Variants in VWC2 observed in about 807,000 individuals in gnomAD.
VWC2 encodes the protein brorin.
VWC2 carries 14 observed loss-of-function variants against 29.8 expected under a neutral mutation model. That is an observed-to-expected ratio of 0.47 (90% CI 0.31 to 0.74). VWC2 has a LOEUF of 0.74. Among genes scored for constraint, VWC2 ranks in the 30% least tolerant of loss-of-function variants. The pLI is 0.05. For missense variants in VWC2, 457 were observed against 459.8 expected (o/e 0.99, Z 0.05); for synonymous variants, 213 against 199.0 (o/e 1.07, Z -0.59).
chr7:49,823,719 A>C (rs1789322845), intron 3 of VWC2, among the ~76,000 whole-genome samples: 1 of 152,210 alleles, frequency 6.6e-6, no homozygotes, highest in Non-Finnish European at 1.5e-5. Context: ...CATCAAATGT[A>C]GGTCAAAACA....
intron 2 of VWC2, among the ~76,000 whole-genome samples, chr7:49,776,745 ATC>A (rs1788062819): frequency 6.6e-6 from 1 of 152,206 alleles, no homozygotes; most frequent in Non-Finnish European, 1.5e-5. Context: ...AATACCGGCC[ATC>A]TCTCTAATGC....
At chr7:49,785,241 A>G (rs890630540) in intron 2 of VWC2, among the ~76,000 whole-genome samples, 1 of 152,350 alleles carries the variant, frequency 6.6e-6, no homozygotes, top group South Asian at 2.1e-4. Flanking sequence ...GAAGTTAACT[A>G]GTATGAAACA....
chr7:49,883,659 C>G (rs1317724952), intron 3 of VWC2, among the ~76,000 whole-genome samples: 1 of 152,088 alleles, frequency 6.6e-6, no homozygotes, highest in Non-Finnish European at 1.5e-5. Context: ...GAAAAATTGA[C>G]AGAAAAAGAG....
intron 3 of VWC2, among the ~76,000 whole-genome samples, chr7:49,901,619 A>G (rs999136339): frequency 6.6e-6 from 1 of 151,946 alleles, no homozygotes; most frequent in Non-Finnish European, 1.5e-5. Context: ...ATCAAGATCT[A>G]TTGTTGAGCA....
At position 49,775,885 on chromosome 7, in the gene VWC2, C is replaced by T. The variant is rs1406969358; in HGVS notation, c.450C>T (p.Tyr150=). Residue 150 remains tyrosine, a synonymous_variant, in exon 2 of 4, where the codon TAC becomes TAT. Transcript: ENST00000340652. ...CCGAGGAGTACGTGTACCCGGACTA[C>T]CGTGGCAAGGGCTGCGTGGACGAGA... is the stretch of plus-strand genomic sequence containing the variant. ...EPPEEYVYPD[Y]RGKGCVDESG... 6.4e-7 allele frequency: 1 copy of T among 1,558,394 alleles called. No homozygotes were observed. The highest frequency in any genetic ancestry group is 1.4e-5 in the African/African-American group (1 of 73,818).
At chr7:49,894,993 T>C (rs1382850017) in intron 3 of VWC2, among the ~76,000 whole-genome samples, 1 of 152,220 alleles carries the variant, frequency 6.6e-6, no homozygotes, top group East Asian at 1.9e-4. Flanking sequence ...TTTTGTTAAA[T>C]GTGCTAGGCC....
Position 49,917,167 on chromosome 7 carries a change from T to G in VWC2, c.*4982T>G, listed in dbSNP as rs1361816101. On this transcript the variant is annotated 3_prime_UTR_variant, in exon 4 of 4. Transcript: ENST00000340652. ...CTAGTGAACTGATACAATAATGAGC[T>G]GAGTCATTTGTACAGAAATATAGTA... 1.3e-5 allele frequency: 2 copies of G among 152,194 alleles called. No homozygotes were observed. The highest frequency in any genetic ancestry group is 1.5e-5 in the Non-Finnish European group (1 of 68,026). 9.4% of individuals were successfully genotyped at this position (152,194 alleles called of 1,614,324 possible).
chr7:49,901,821 T>C (rs903594482), intron 3 of VWC2, among the ~76,000 whole-genome samples: 4 of 146,038 alleles, frequency 2.7e-5, no homozygotes, highest in Non-Finnish European at 6.0e-5. Context: ...ATAGACACAT[T>C]GATCAATGGA....
rs1250928909 is a variant in VWC2, at chr7:49,920,585, ACT to A, written c.*8403_*8404del. On this transcript the variant is annotated 3_prime_UTR_variant, in exon 4 of 4. Coordinates refer to ENST00000340652, the MANE Select transcript of VWC2 (RefSeq NM_198570.5). ...GAAGGATGTAAGGGAACAGAGAGAG[ACT>A]CTGCTTGGCCGAGTTTGCTATTCTC... is the stretch of plus-strand genomic sequence containing the variant. 6.6e-6 allele frequency: 1 copy of A among 152,112 alleles called. No individual in the cohort carries two copies. Among genetic ancestry groups the A allele is most frequent in the Non-Finnish European group, 1.5e-5 (1 of 68,026 alleles). 9.4% of individuals were successfully genotyped at this position (152,112 alleles called of 1,614,324 possible). A position where few individuals can be genotyped will look rare whatever the true frequency, so the allele number is the denominator to read the frequency against.
intron 3 of VWC2, among the ~76,000 whole-genome samples, chr7:49,885,194 T>C (rs1161182164): frequency 6.6e-6 from 1 of 152,156 alleles, no homozygotes; most frequent in Non-Finnish European, 1.5e-5. Flanking sequence ...AATTGTTAAA[T>C]AATTTAGTTC....
intron 3 of VWC2, among the ~76,000 whole-genome samples, chr7:49,882,155 C>T (rs1791693775): frequency 6.6e-6 from 1 of 151,962 alleles, no homozygotes; most frequent in African/African-American, 2.4e-5. Context: ...GTGATATAAT[C>T]AATATTTGTT....
intron 2 of VWC2, among the ~76,000 whole-genome samples, chr7:49,790,297 A>G (rs947110741): frequency 1.4e-4 from 21 of 152,204 alleles, no homozygotes; most frequent in African/African-American, 4.8e-4. Flanking sequence ...AGAAAGCTGT[A>G]TTGCCTCAGA....
At chr7:49,816,802 A>G (rs1278676418) in intron 3 of VWC2, among the ~76,000 whole-genome samples, 1 of 152,218 alleles carries the variant, frequency 6.6e-6, no homozygotes, top group African/African-American at 2.4e-5. Flanking sequence ...CTAGACTGGC[A>G]CATTCTAGCT....
At chr7:49,859,905 G>C (rs774198621) in intron 3 of VWC2, among the ~76,000 whole-genome samples, 2 of 151,728 alleles carry the variant, frequency 1.3e-5, no homozygotes, top group Non-Finnish European at 2.9e-5. Flanking sequence ...ACCTAAAGGA[G>C]TTTTTCTATC....
chr7:49,775,122 C>G (rs1583615929), intron 1 of VWC2, among the ~76,000 whole-genome samples: 1 of 152,312 alleles, frequency 6.6e-6, no homozygotes, highest in East Asian at 1.9e-4. Context: ...ACACGCCGGC[C>G]GGTGTCGTTC....
In VWC2 at chr7:49,875,719, A is replaced by T. The variant is rs865834496; in HGVS notation, c.827-36315A>T. On this transcript the variant is annotated intron_variant, in intron 3 of 3. Coordinates refer to ENST00000340652, the MANE Select transcript of VWC2 (RefSeq NM_198570.5). The stretch of plus-strand genomic sequence containing the variant: ...TAATAACAGTGTCTGATGGAGTGGC[A>T]TGAGAATTACTTTGTTTAACAGGCT... Among the ~76,000 whole-genome samples the T allele has an allele frequency of 2.0e-5, 3 of 152,136 alleles. No individual in the cohort carries two copies. In the South Asian group the frequency reaches 6.2e-4, roughly 32 times the overall value.
At chr7:49,892,730 G>A (rs1467922877) in intron 3 of VWC2, among the ~76,000 whole-genome samples, 1 of 152,190 alleles carries the variant, frequency 6.6e-6, no homozygotes, top group Non-Finnish European at 1.5e-5. Flanking sequence ...CATATTGTGT[G>A]CAAAGGAGAC....
intron 3 of VWC2, among the ~76,000 whole-genome samples, chr7:49,890,405 T>C (rs970368462): frequency 6.6e-6 from 1 of 152,212 alleles, no homozygotes; most frequent in African/African-American, 2.4e-5. Flanking sequence ...TGGAAAGGAA[T>C]GCATATATAA....
chr7:49,821,872 T>A (rs1789268263), intron 3 of VWC2, among the ~76,000 whole-genome samples: 1 of 152,230 alleles, frequency 6.6e-6, no homozygotes, highest in African/African-American at 2.4e-5. Flanking sequence ...CCCCTTGAAT[T>A]TGATTGTGTT....
Sources: allele counts gnomAD v4.1 joint callset (sites outside exome capture counted in the v4.1 genomes callset), GRCh38; gene constraint gnomAD v4.1.1; transcripts MANE v1.5; gene names NCBI Gene and HGNC (gene_info 2026-07-23, HGNC 2026-07-21).